The following CSMD1 variants were observed in gnomAD, a reference collection of about 807,000 sequenced individuals.
CSMD1 encodes the protein CUB and sushi domain-containing protein 1.
A neutral mutation model predicts 417.5 loss-of-function variants in CSMD1; 213 were observed. That is an observed-to-expected ratio of 0.51 (90% CI 0.46 to 0.57). The LOEUF (loss-of-function observed/expected upper bound fraction) is 0.57. CSMD1 is among the 20% of genes least tolerant of loss of function. The probability of loss-of-function intolerance (pLI) is 0.00; values close to 1 mark genes in which losing one functional copy is unlikely to be tolerated. For missense variants in CSMD1, 6,923 were observed against 4,529.7 expected, an observed-to-expected ratio of 1.53 and a Z score of -15.17; for synonymous variants, 2,862 against 1,736.8, an observed-to-expected ratio of 1.65 and a Z score of -16.11.
At chr8:4,090,732 C>A (rs1244658238) in intron 3 of CSMD1, among the ~76,000 whole-genome samples, 1 of 152,104 alleles carries the variant, frequency 6.6e-6, no homozygotes, top group African/African-American at 2.4e-5. Flanking sequence ...TTTACTTAAA[C>A]ATTAAACCAA....
intron 11 of CSMD1, among the ~76,000 whole-genome samples, chr8:3,475,087 C>T (rs1417438656): frequency 6.6e-6 from 1 of 152,106 alleles, no homozygotes; most frequent in African/African-American, 2.4e-5. Flanking sequence ...TTTGCAAACC[C>T]TGAAATCCTT....
At chr8:3,492,256 C>A (rs1818426127) in intron 11 of CSMD1, among the ~76,000 whole-genome samples, 1 of 152,166 alleles carries the variant, frequency 6.6e-6, no homozygotes, top group Admixed American at 6.5e-5. Flanking sequence ...CCGCTGAGCT[C>A]TTCTGCTCTC....
chr8:4,580,025 T>C (rs1246298289), intron 2 of CSMD1, among the ~76,000 whole-genome samples: 4 of 152,230 alleles, frequency 2.6e-5, no homozygotes, highest in Non-Finnish European at 4.4e-5. Flanking sequence ...CACATCTTTA[T>C]AGTAGTAACT....
At chr8:3,004,536 C>T (rs772776899) in intron 52 of CSMD1, among the ~76,000 whole-genome samples, 3 of 152,146 alleles carry the variant, frequency 2.0e-5, no homozygotes, top group Non-Finnish European at 2.9e-5. Flanking sequence ...GGAAAGAATG[C>T]TATGCAACTG....
At chr8:3,630,905 G>C (rs1179861502) in intron 7 of CSMD1, among the ~76,000 whole-genome samples, 4 of 152,200 alleles carry the variant, frequency 2.6e-5, no homozygotes, top group African/African-American at 7.2e-5. Flanking sequence ...CTGGATTAGA[G>C]AGCCGAGATC....
chr8:3,832,230 G>C (rs1802419481), intron 5 of CSMD1, among the ~76,000 whole-genome samples: 2 of 152,166 alleles, frequency 1.3e-5, no homozygotes, highest in African/African-American at 4.8e-5. Context: ...TCCAGACCTG[G>C]TACCTGAAGT....
chr8:4,805,917 T>C (rs1372215421), intron 1 of CSMD1, among the ~76,000 whole-genome samples: 1 of 152,172 alleles, frequency 6.6e-6, no homozygotes, highest in Non-Finnish European at 1.5e-5. Context: ...CGATGGCTTG[T>C]GGACCTCAGA....
intron 17 of CSMD1, 122 bp from the exon 18 acceptor site, chr8:3,387,804 T>G (rs1355587367): frequency 2.6e-6 from 2 of 776,114 alleles, no homozygotes; most frequent in South Asian, 1.9e-5. Context: ...ATTATGCAAG[T>G]GAACCCAACA....
chr8:4,275,639 T>C (rs1357508253), intron 3 of CSMD1, among the ~76,000 whole-genome samples: 1 of 152,170 alleles, frequency 6.6e-6, no homozygotes, highest in African/African-American at 2.4e-5. Context: ...GTGCACATCT[T>C]CCTAAAAATG....
intron 25 of CSMD1, among the ~76,000 whole-genome samples, chr8:3,302,521 C>G (rs1319284428): frequency 6.6e-6 from 1 of 152,192 alleles, no homozygotes; most frequent in Non-Finnish European, 1.5e-5. Context: ...CCCTGCATGT[C>G]TATCTTTTCT....
At chr8:4,070,481 C>T (rs1799490913) in intron 3 of CSMD1, among the ~76,000 whole-genome samples, 1 of 152,114 alleles carries the variant, frequency 6.6e-6, no homozygotes, top group South Asian at 2.1e-4. Context: ...CCTCAGCCTC[C>T]CGAGTAGCTG....
At chr8:4,400,492 C>A (rs1169805518) in intron 3 of CSMD1, among the ~76,000 whole-genome samples, 1 of 152,192 alleles carries the variant, frequency 6.6e-6, no homozygotes, top group Non-Finnish European at 1.5e-5. Flanking sequence ...TGTTCAGCAA[C>A]ATCACGAGTT....
At chr8:4,511,671 G>C (rs1245017271) in intron 2 of CSMD1, among the ~76,000 whole-genome samples, 1 of 152,138 alleles carries the variant, frequency 6.6e-6, no homozygotes, top group Non-Finnish European at 1.5e-5. Flanking sequence ...CAAAGCTCCA[G>C]AGTGGGAGTA....
chr8:4,031,998 G>T lies in CSMD1; in HGVS notation c.517C>A (p.Pro173Thr). 6.2e-7 allele frequency: 1 copy of T among 1,613,944 alleles called. No homozygotes were observed. The highest frequency in any genetic ancestry group is 8.5e-7 in the Non-Finnish European group (1 of 1,179,884). ...IGDKIRYSCLPGYILEGHAIL... is the reference protein window; with the variant it reads ...IGDKIRYSCLTGYILEGHAIL... ...GCGTGGCCTTCCAAGATGTAGCCAG[G>T]GAGGCAGCTGTACCGGATTTTGTCT... The change falls in exon 4 of 70, where the codon CCT becomes ACT. Residue 173 changes from proline to threonine, a missense_variant. Physicochemically the swap from Pro to Thr is conservative, Grantham distance 38 (BLOSUM62 -1). Transcript: ENST00000635120.
intron 1 of CSMD1, among the ~76,000 whole-genome samples, chr8:4,910,980 G>A (rs1190196192): frequency 6.6e-6 from 1 of 152,090 alleles, no homozygotes; most frequent in Non-Finnish European, 1.5e-5. Context: ...GAGACCTGAT[G>A]GTTCCATAAG....
intron 5 of CSMD1, among the ~76,000 whole-genome samples, chr8:3,954,911 C>G (rs1356635304): frequency 6.6e-6 from 1 of 152,178 alleles, no homozygotes; most frequent in Non-Finnish European, 1.5e-5. Flanking sequence ...CATGCTCCTC[C>G]ATCTTTGTCC....
rs1474533589 is a variant in CSMD1, at chr8:4,006,431, C to A, written c.611-8321G>T. On this transcript the variant is annotated intron_variant, in intron 4 of 69. Coordinates refer to ENST00000635120, the MANE Select transcript of CSMD1 (RefSeq NM_033225.6). ...TGGTGGTCCATGCCTGTAATTCCAG[C>A]TTCTTGGGAGGCTGAGGCCGAAGAA... Among the ~76,000 whole-genome samples, 10 of 152,150 alleles carry A rather than the reference C, an allele frequency of 6.6e-5. No individual in the cohort carries two copies. The South Asian group carries it at 1.7e-3, about 25-fold the overall frequency.
chr8:3,013,296 G>C (rs664214), intron 52 of CSMD1, among the ~76,000 whole-genome samples: 30,479 of 152,038 alleles, frequency 0.2, 5,591 homozygotes, highest in African/African-American at 0.49. Context: ...ATGTACAGAT[G>C]TCAGCATGGT....
At chr8:4,629,496 G>T (rs534042694) in intron 2 of CSMD1, among the ~76,000 whole-genome samples, 121 of 152,220 alleles carry the variant, frequency 7.9e-4, no homozygotes, top group South Asian at 2.1e-3. Context: ...AGCTCTAGAA[G>T]TGCATCTTAC....
Sources: gnomAD v4.1 joint callset for allele counts (sites outside exome capture counted in the v4.1 genomes callset) on GRCh38, gnomAD v4.1.1 for gene constraint, MANE v1.5 for transcripts, NCBI Gene and HGNC (gene_info 2026-07-23, HGNC 2026-07-21) for gene names.